Variants in GRM7 observed in about 807,000 individuals in gnomAD.
The protein encoded by GRM7 is glutamate metabotropic receptor 7, also known as metabotropic glutamate receptor 7.
GRM7 carries 35 observed loss-of-function variants against 84.5 expected under a neutral mutation model. The ratio of observed to expected loss-of-function variants is 0.41; its 90% CI spans 0.32 to 0.55. The LOEUF (loss-of-function observed/expected upper bound fraction) is 0.55, where lower values mean the gene tolerates loss of function less well. GRM7 is among the 20% of genes least tolerant of loss of function. The pLI, the probability that GRM7 is intolerant of heterozygous loss-of-function variation, is 0.19. For missense variants in GRM7, 1,003 were observed against 1,194.6 expected (o/e 0.84, Z 2.36); for synonymous variants, 487 against 455.1 (o/e 1.07, Z -0.89).
At chr3:7,673,236 A>T (rs1699993874) in intron 8 of GRM7, among the ~76,000 whole-genome samples, 1 of 152,196 alleles carries the variant, frequency 6.6e-6, no homozygotes, top group Admixed American at 6.5e-5. Context: ...AATGCTACTA[A>T]TAGACTACAA....
chr3:7,146,552 A>T lies in GRM7; in HGVS notation c.620A>T (p.Gln207Leu), dbSNP rs1694117264. Residue 207 changes from glutamine to leucine, a missense_variant, in exon 2 of 10, where the codon CAG becomes CTG. Coordinates refer to ENST00000357716, the MANE Select transcript of GRM7 (RefSeq NM_000844.4). ...RVVPPDSFQA[Q>L]AMVDIVKALG... ...GTGCCACCCGATTCCTTCCAAGCCC[A>T]GGCCATGGTAGACATTGTAAAGGCC... 1.9e-6 allele frequency: 3 copies of T among 1,613,950 alleles called. No individual in the cohort carries two copies. The East Asian group carries it at 6.7e-5, about 36-fold the overall frequency.
chr3:7,572,389 A>T (rs1479050261), intron 7 of GRM7, among the ~76,000 whole-genome samples: 3 of 152,156 alleles, frequency 2.0e-5, no homozygotes, highest in Admixed American at 1.3e-4. Context: ...CAAATTAGGA[A>T]TTACTGCTTC....
intron 7 of GRM7, among the ~76,000 whole-genome samples, chr3:7,546,662 C>T (rs527745577): frequency 1.3e-5 from 2 of 152,056 alleles, no homozygotes; most frequent in African/African-American, 4.8e-5. Context: ...TTGAATTAGT[C>T]ATATTTTCCA....
At chr3:7,683,245 C>G (rs1314140949) in intron 9 of GRM7, among the ~76,000 whole-genome samples, 7 of 152,026 alleles carry the variant, frequency 4.6e-5, no homozygotes, top group Non-Finnish European at 8.8e-5. Flanking sequence ...AGAAGGCTGC[C>G]CAGGTAGAGG....
intron 1 of GRM7, among the ~76,000 whole-genome samples, chr3:7,027,797 T>C (rs1408348387): frequency 6.6e-6 from 1 of 152,194 alleles, no homozygotes; most frequent in Non-Finnish European, 1.5e-5. Context: ...TTCTTTTTCT[T>C]TTTCTTGATC....
At chr3:7,367,578 C>T (rs1451256767) in intron 4 of GRM7, among the ~76,000 whole-genome samples, 2 of 151,764 alleles carry the variant, frequency 1.3e-5, no homozygotes, top group Non-Finnish European at 2.9e-5. Context: ...AGTTGAACTG[C>T]TGTAGGAGAA....
chr3:7,253,412 G>T (rs12629631), intron 2 of GRM7, among the ~76,000 whole-genome samples: 152,140 of 152,142 alleles, frequency 1, 76,069 homozygotes, highest in Non-Finnish European at 1. Flanking sequence ...GTCAGGAGTT[G>T]GAGTCCAGCC....
At chr3:7,667,503 T>A (rs1229333549) in intron 8 of GRM7, among the ~76,000 whole-genome samples, 3 of 152,154 alleles carry the variant, frequency 2.0e-5, no homozygotes, top group Non-Finnish European at 4.4e-5. Flanking sequence ...ATAGAGAAAT[T>A]GCCATTAAAA....
intron 7 of GRM7, among the ~76,000 whole-genome samples, chr3:7,494,841 T>G (rs1191656218): frequency 2.0e-5 from 3 of 152,228 alleles, no homozygotes; most frequent in Non-Finnish European, 4.4e-5. Context: ...GTTTGTTCAT[T>G]TGTCCAAGAG....
At chr3:7,205,488 T>C (rs946379167) in intron 2 of GRM7, among the ~76,000 whole-genome samples, 7 of 152,230 alleles carry the variant, frequency 4.6e-5, no homozygotes, top group Non-Finnish European at 1.0e-4. Flanking sequence ...TTCAGAACCA[T>C]ACACCAAGTG....
At chr3:7,721,928 G>A (rs1023123487) in intron 9 of GRM7, among the ~76,000 whole-genome samples, 1 of 152,202 alleles carries the variant, frequency 6.6e-6, no homozygotes, top group African/African-American at 2.4e-5. Flanking sequence ...CTTTCACAGA[G>A]GTGGAACAGT....
At chr3:7,054,896 A>G (rs139188042) in intron 1 of GRM7, among the ~76,000 whole-genome samples, 379 of 151,904 alleles carry the variant, frequency 2.5e-3, no homozygotes, top group Non-Finnish European at 4.2e-3. Context: ...GGTTTCTCCC[A>G]CTTGTGGTAT....
At chr3:7,529,766 T>C (rs1700956212) in intron 7 of GRM7, among the ~76,000 whole-genome samples, 1 of 152,016 alleles carries the variant, frequency 6.6e-6, no homozygotes, top group South Asian at 2.1e-4. Context: ...CTGGTACCCC[T>C]ACCAGCCCTG....
At chr3:7,124,110 C>A (rs960098548) in intron 1 of GRM7, among the ~76,000 whole-genome samples, 1 of 152,112 alleles carries the variant, frequency 6.6e-6, no homozygotes, top group African/African-American at 2.4e-5. Context: ...TTTGATGGAA[C>A]TGTAACTGGT....
intron 1 of GRM7, among the ~76,000 whole-genome samples, chr3:6,919,579 T>C (rs1191587488): frequency 6.6e-6 from 1 of 151,278 alleles, no homozygotes. Context: ...TTTTTTTTTT[T>C]TTGGACACGC....
At chr3:7,406,289 A>G (rs1399999207) in intron 4 of GRM7, among the ~76,000 whole-genome samples, 1 of 152,066 alleles carries the variant, frequency 6.6e-6, no homozygotes, top group Non-Finnish European at 1.5e-5. Context: ...TCACGAGGTC[A>G]GGAGATGGAG....
At chr3:7,295,344 A>G (rs552232530) in intron 2 of GRM7, among the ~76,000 whole-genome samples, 1 of 152,244 alleles carries the variant, frequency 6.6e-6, no homozygotes, top group East Asian at 1.9e-4. Context: ...TCTTCCCTTG[A>G]TTCAACAGTC....
intron 9 of GRM7, among the ~76,000 whole-genome samples, chr3:7,713,216 C>T (rs1399642074): frequency 7.2e-6 from 1 of 139,296 alleles, no homozygotes; most frequent in Non-Finnish European, 1.5e-5. Context: ...TGGCTCACTG[C>T]AACCTCTGCC....
chr3:6,946,652 G>A (rs1698092525), intron 1 of GRM7, among the ~76,000 whole-genome samples: 1 of 152,158 alleles, frequency 6.6e-6, no homozygotes, highest in South Asian at 2.1e-4. Flanking sequence ...ACCTTGGGCA[G>A]TATGGCCATT....
Sources: allele counts gnomAD v4.1 joint callset (sites outside exome capture counted in the v4.1 genomes callset), GRCh38; gene constraint gnomAD v4.1.1; transcripts MANE v1.5; gene names NCBI Gene and HGNC (gene_info 2026-07-23, HGNC 2026-07-21).